Variants in BCOR observed in about 807,000 individuals in gnomAD.
BCOR encodes BCL-6 corepressor.
BCOR carries 10 observed loss-of-function variants against 86.7 expected under a neutral mutation model. The ratio of observed to expected loss-of-function variants is 0.12; its 90% CI spans 0.07 to 0.20. The LOEUF is 0.20. Ranked by LOEUF, BCOR falls within the 10% of genes least tolerant of loss-of-function variation. BCOR has a pLI of 1.00. For synonymous variants in BCOR, 611 were observed against 609.0 expected, an observed-to-expected ratio of 1.00 and a Z score of -0.05; for missense variants, 1,259 against 1,452.1, an observed-to-expected ratio of 0.87 and a Z score of 2.16.
chrX:40,063,067 C>T lies in BCOR; in HGVS notation c.3852G>A (p.Leu1284=). The change falls in exon 9 of 15, where the codon TTG becomes TTA. Residue 1284 remains leucine, a synonymous_variant. Coordinates refer to ENST00000378444, the MANE Select transcript of BCOR (RefSeq NM_001123385.2). Reference sequence around the variant, plus strand: ...TGGGCGGAGAGCCGGAGAACACAGGCAAGCCTAAATACGGAGGGGGTGACG... The same window carrying T: ...TGGGCGGAGAGCCGGAGAACACAGGTAAGCCTAAATACGGAGGGGGTGACG... The part of the protein sequence containing the change: ...SLKPSDNEQG[L]PVFSGSPPMK... The T allele has an allele frequency of 3.1e-6, 3 of 958,052 alleles. No homozygotes were observed. Among genetic ancestry groups the T allele is most frequent in the Middle Eastern group, 3.9e-4 (1 of 2,548 alleles). The allele number at this position is 958,052 out of a possible 1,213,427, so 79.0% of individuals were successfully genotyped here.
At position 40,074,868 on chromosome X, in the gene BCOR, C is replaced by T. The variant is rs753122597; in HGVS notation, c.478G>A (p.Val160Ile). 8.3e-7 allele frequency: 1 copy of T among 1,211,426 alleles called. No individual in the cohort carries two copies. The highest frequency in any genetic ancestry group is 1.1e-6 in the Non-Finnish European group (1 of 895,402). The change falls in exon 4 of 15, where the codon GTA (valine) becomes ATA (isoleucine). Residue 160 changes from valine to isoleucine, a missense_variant. By Grantham distance (29) the Val-to-Ile change is conservative (BLOSUM62 3). Transcript: ENST00000378444. ...KTPPGIQKSA[V>I]ATAEALGLDR... is the part of the protein sequence containing the mutation. ...AAGCCCAGCGCTTCTGCTGTGGCTA[C>T]AGCACTTTTTTGTATTCCAGGCGGT... is the stretch of plus-strand genomic sequence containing the variant.
rs1204779487 is a variant in BCOR at position 40,071,849 on chromosome X, A to G, written c.2998-159T>C. ...TTAAGGAAATTCCTATACAACATCT[A>G]TCATAATTCACTAGCAAGTTAAATA... is the stretch of plus-strand genomic sequence containing the variant. On this transcript the variant is annotated intron_variant, in intron 4 of 14. Transcript: ENST00000378444. The G allele has an allele frequency of 6.7e-6, 3 of 450,847 alleles. No individual in the cohort carries two copies. The African/African-American group carries it at 7.4e-5, about 11-fold the overall frequency. 37.2% of individuals were successfully genotyped at this position (450,847 alleles called of 1,213,427 possible).
chrX:40,097,309 G>A lies in BCOR; in HGVS notation c.-135C>T, dbSNP rs1047146062. On this transcript the variant is annotated 5_prime_UTR_variant, in exon 1 of 15. Transcript: ENST00000378444. ...ACTCGAGGCGGCGAGAAGGAGCGGG[G>A]GGCGGTTGGGTGGGTGGAGAGAGAT... The A allele has an allele frequency of 9.1e-6, 1 of 110,353 alleles. No individual in the cohort carries two copies. The highest frequency in any genetic ancestry group is 3.3e-5 in the African/African-American group (1 of 30,379). The allele number at this position is 110,353 out of a possible 1,213,427, so 9.1% of individuals were successfully genotyped here.
chrX:40,151,278 G>T (rs751236369), intron 1 of BCOR, among the ~76,000 whole-genome samples: 1 of 112,603 alleles, frequency 8.9e-6, no homozygotes, highest in Non-Finnish European at 1.9e-5. Context: ...AGTGCTGACA[G>T]GGATTGGGGC....
intron 1 of BCOR, among the ~76,000 whole-genome samples, chrX:40,164,764 G>C (rs1225639511): frequency 8.9e-6 from 1 of 112,247 alleles, no homozygotes; most frequent in Admixed American, 9.4e-5. Context: ...GATGAATTAT[G>C]CAAGAAGTGT....
At chrX:40,085,269 C>T (rs767789375) in intron 1 of BCOR, among the ~76,000 whole-genome samples, 4 of 112,448 alleles carry the variant, frequency 3.6e-5, no homozygotes, top group African/African-American at 1.3e-4. Flanking sequence ...AAAGCCAACG[C>T]GAGTCCCTCC....
chrX:40,140,993 T>C (rs770199270), intron 1 of BCOR, among the ~76,000 whole-genome samples: 12 of 112,833 alleles, frequency 1.1e-4, no homozygotes, highest in South Asian at 3.6e-4. Context: ...TCTTGACCCA[T>C]TGGCAACCCA....
chrX:40,054,237 A>G lies in BCOR; in HGVS notation c.4819+19T>C. 3 of 1,199,844 alleles carry G rather than the reference A, an allele frequency of 2.5e-6. No homozygotes were observed. The highest frequency in any genetic ancestry group is 2.2e-5 in the Admixed American group (1 of 45,529). ...ACTTGTTCACCTCCTACGGAACTAG[A>G]GCAAACAATGCAGCTTACCACAAAC... On this transcript the variant is annotated intron_variant, in intron 13 of 14. Transcript: ENST00000378444.
At chrX:40,101,163 A>C (rs1161684544), upstream of BCOR, among the ~76,000 whole-genome samples, 1 of 111,081 alleles carries the variant, frequency 9.0e-6, no homozygotes, top group Non-Finnish European at 1.9e-5. Context: ...GTCGAAGGGC[A>C]ATCCCATCTT....
chrX:40,141,806 C>T (rs913470314), intron 1 of BCOR, among the ~76,000 whole-genome samples: 14 of 111,502 alleles, frequency 1.3e-4, no homozygotes, highest in Admixed American at 9.5e-4. Flanking sequence ...TGGCCTCTCT[C>T]GCACTCCCAC....
At chrX:40,096,835 C>T (rs956997277) in intron 1 of BCOR, among the ~76,000 whole-genome samples, 1 of 111,297 alleles carries the variant, frequency 9.0e-6, no homozygotes, top group African/African-American at 3.3e-5. Flanking sequence ...AGCTTCCAGC[C>T]CACCTCCCCC....
At chrX:40,120,878 G>T (rs746067840) in intron 1 of BCOR, among the ~76,000 whole-genome samples, 4 of 111,838 alleles carry the variant, frequency 3.6e-5, no homozygotes, top group African/African-American at 1.3e-4. Flanking sequence ...TGGGGAGAAG[G>T]ATTTGCAGGA....
chrX:40,168,906 C>T lies in BCOR; in HGVS notation c.-41+8101G>A, dbSNP rs935658079. ...TCGTGCAGGCTCCAGGCGCTTCGTG[C>T]CTCCTGGCCTCCCCCGCCCGCCCGC... On this transcript the variant is annotated intron_variant, in intron 1 of 14. Transcript: ENST00000342274. Among the ~76,000 whole-genome samples the T allele has an allele frequency of 1.1e-4, 12 of 112,885 alleles. No individual in the cohort carries two copies. In the East Asian group the frequency reaches 2.3e-3, roughly 21 times the overall value.
chrX:40,063,024 T>C lies in BCOR; in HGVS notation c.3895A>G (p.Thr1299Ala). 1 of 1,161,134 alleles carries C rather than the reference T, an allele frequency of 8.6e-7. No homozygotes were observed. The highest frequency in any genetic ancestry group is 1.9e-5 in the South Asian group (1 of 52,694). ...GCCTGCTTTTTGCCGCCTGCACTGG[T>C]GGATGAAAGACTCTTCATGGGCGGA... ...GSPPMKSLSS[T>A]SAGGKKQAQP... Residue 1299 changes from threonine to alanine, a missense_variant, in exon 9 of 15, where the codon ACC becomes GCC. By Grantham distance (58) the Thr-to-Ala change is moderately conservative. Transcript: ENST00000378444.
intron 1 of BCOR, among the ~76,000 whole-genome samples, chrX:40,109,525 C>A (rs1279304146): frequency 8.9e-6 from 1 of 112,245 alleles, no homozygotes; most frequent in African/African-American, 3.2e-5. Context: ...CGGCCCCGGG[C>A]GGCGGAGCCA....
At chrX:40,079,469 T>TA (rs1935976876) in intron 1 of BCOR, among the ~76,000 whole-genome samples, 1 of 111,656 alleles carries the variant, frequency 9.0e-6, no homozygotes, top group Admixed American at 9.5e-5. Flanking sequence ...CTAGGTCTTT[T>TA]GTCCACCAGC....
intron 1 of BCOR, among the ~76,000 whole-genome samples, chrX:40,127,080 A>C (rs1292894686): frequency 8.9e-6 from 1 of 111,852 alleles, no homozygotes; most frequent in African/African-American, 3.2e-5. Flanking sequence ...CCAGCAGACT[A>C]ATCTAGGGTG....
chrX:40,076,639 G>C, intron 2 of BCOR, 107 bp from the exon 3 acceptor site: 1 of 588,954 alleles, frequency 1.7e-6, no homozygotes, highest in South Asian at 2.4e-5. Flanking sequence ...TTTTAAAACT[G>C]TCCTTAACCC....
intron 1 of BCOR, among the ~76,000 whole-genome samples, chrX:40,088,312 C>T (rs1003434550): frequency 2.7e-5 from 3 of 112,599 alleles, no homozygotes; most frequent in African/African-American, 9.7e-5. Flanking sequence ...AAATCGTGCG[C>T]TAAAATCGGG....
Sources: allele counts gnomAD v4.1 joint callset (sites outside exome capture counted in the v4.1 genomes callset), GRCh38; gene constraint gnomAD v4.1.1; transcripts MANE v1.5; gene names NCBI Gene and HGNC (gene_info 2026-07-23, HGNC 2026-07-21).